PCDHGA6: variants seen among roughly 807,000 people sequenced by gnomAD.
PCDHGA6 encodes protocadherin gamma subfamily A, 6, also known as protocadherin gamma-A6.
Under a neutral mutation model 60.6 loss-of-function variants are expected in PCDHGA6, and 41 were observed. The ratio of observed to expected loss-of-function variants is 0.68; its 90% CI spans 0.53 to 0.88. The LOEUF (loss-of-function observed/expected upper bound fraction) is 0.88, where lower values mean the gene tolerates loss of function less well. Among genes scored for constraint, PCDHGA6 ranks in the 40% least tolerant of loss-of-function variants. PCDHGA6 has a pLI of 0.00. For synonymous variants in PCDHGA6, 594 were observed against 524.4 expected (o/e 1.13, Z -1.81); for missense variants, 1,312 against 1,203.0 (o/e 1.09, Z -1.34).
At chr5:141,398,764 A>G in intron 1 of PCDHGA6, 2 of 1,613,924 alleles carry the variant, frequency 1.2e-6, no homozygotes, top group East Asian at 4.5e-5. Context: ...TTTAGTCCTG[A>G]CTGCCTTGGA....
rs747132868 is a variant in PCDHGA6 at position 141,431,424 on chromosome 5, G to C, written c.2424+54917G>C. ...GCCTCCGACGGGGGCGACCCGGTGC[G>C]CACAGGCACCGCGCGCATCCGCGTG... On this transcript the variant is annotated intron_variant, in intron 1 of 3. Coordinates refer to ENST00000517434, the MANE Select transcript of PCDHGA6 (RefSeq NM_018919.3). This position sits in a 1 kb window ranked among gnomAD's most constrained non-coding sequence, Gnocchi z 4.8. The C allele has an allele frequency of 6.2e-7, 1 of 1,613,558 alleles. No individual in the cohort carries two copies. The highest frequency in any genetic ancestry group is 1.1e-5 in the South Asian group (1 of 91,082).
In PCDHGA6 at chr5:141,486,499, C is replaced by G. The variant is rs1487201957; in HGVS notation, c.2425-8308C>G. 2 of 1,614,010 alleles carry G rather than the reference C, an allele frequency of 1.2e-6. No homozygotes were observed. Among genetic ancestry groups the G allele is most frequent in the Non-Finnish European group, 1.7e-6 (2 of 1,179,874 alleles). On this transcript the variant is annotated intron_variant, in intron 1 of 3. Coordinates refer to ENST00000517434, the MANE Select transcript of PCDHGA6 (RefSeq NM_018919.3). This position sits in a 1 kb window ranked among gnomAD's most constrained non-coding sequence, Gnocchi z 5.0. ...CTCTCAGTACCCACAGAACTATTTT[C>G]CTCAATATTTCAGATGTGAATGATA...
At position 141,413,564 on chromosome 5, in the gene PCDHGA6, T is replaced by C. The variant is rs762044373; in HGVS notation, c.2424+37057T>C. 9 of 1,613,760 alleles carry C rather than the reference T, an allele frequency of 5.6e-6. No homozygotes were observed. The Admixed American group carries it at 1.2e-4, about 21-fold the overall frequency. ...GGGATAGAAATAGAAGTAACTGATA[T>C]CAATGACAATGCTCCAAAATTCCAA... On this transcript the variant is annotated intron_variant, in intron 1 of 3. Coordinates refer to ENST00000517434, the MANE Select transcript of PCDHGA6 (RefSeq NM_018919.3).
Position 141,431,826 on chromosome 5 carries a change from TTCCCGAAAACTC to T in PCDHGA6, c.2424+55324_2424+55335del, listed in dbSNP as rs755346532. ...GTCCTCACCTCTCTCGCCAGCTCGGTTCCCGAAAACTCTCCCAGAGGGACATTAATTGCCCTT... is the reference window on the plus strand; with the variant it reads ...GTCCTCACCTCTCTCGCCAGCTCGGTTCCCAGAGGGACATTAATTGCCCTT... On this transcript the variant is annotated intron_variant, in intron 1 of 3. Transcript: ENST00000517434. The surrounding 1 kb of genome is among the most constrained non-coding windows in gnomAD (Gnocchi z 4.8). The T allele has an allele frequency of 4.3e-6, 7 of 1,614,102 alleles. No individual in the cohort carries two copies. Among genetic ancestry groups the T allele is most frequent in the Admixed American group, 1.7e-5 (1 of 60,006 alleles).
At chr5:141,378,173 C>A (rs1774684442) in intron 1 of PCDHGA6, 1 of 152,194 alleles carries the variant, frequency 6.6e-6, no homozygotes. Flanking sequence ...AATAACTAAG[C>A]ACCGATGCTG....
chr5:141,394,316 G>C (rs779061595), intron 1 of PCDHGA6: 1 of 1,613,976 alleles, frequency 6.2e-7, no homozygotes, highest in African/African-American at 1.3e-5. Context: ...GGGCGCCCCT[G>C]TCCTCGTATA....
intron 1 of PCDHGA6, chr5:141,423,481 C>G: frequency 6.2e-7 from 1 of 1,613,908 alleles, no homozygotes; most frequent in South Asian, 1.1e-5. Context: ...GGCTTTCCTG[C>G]AAACCTATTC....
intron 1 of PCDHGA6, chr5:141,403,040 C>T: frequency 1.2e-6 from 2 of 1,614,068 alleles, no homozygotes; most frequent in Non-Finnish European, 1.7e-6. Context: ...CAGGGCCAGT[C>T]AGATTCGCTA....
intron 1 of PCDHGA6, chr5:141,428,390 C>T (rs1043799152): frequency 8.0e-5 from 40 of 502,004 alleles, no homozygotes; most frequent in African/African-American, 6.6e-4. Context: ...TCTTCCAGCC[C>T]CTCTGCCTGG....
intron 1 of PCDHGA6, chr5:141,382,996 T>C (rs1296495835): frequency 6.2e-7 from 1 of 1,613,724 alleles, no homozygotes; most frequent in East Asian, 2.2e-5. Context: ...ACGTATTCTC[T>C]ACTCCGTGTC....
intron 1 of PCDHGA6, among the ~76,000 whole-genome samples, chr5:141,407,336 G>A (rs1005803062): frequency 6.6e-6 from 1 of 152,240 alleles, no homozygotes; most frequent in Admixed American, 6.5e-5. Flanking sequence ...ATATTGAAAT[G>A]TATGTTAATT....
chr5:141,394,701 C>G lies in PCDHGA6; in HGVS notation c.2424+18194C>G, dbSNP rs375281416. 1.9e-6 allele frequency: 3 copies of G among 1,613,162 alleles called. No homozygotes were observed. Among genetic ancestry groups the G allele is most frequent in the Non-Finnish European group, 2.5e-6 (3 of 1,179,880 alleles). ...GCACACGGGCGAGGTGCGCACGGCG[C>G]GAGCCCTGCTGGACAGAGATGCGCT... is the stretch of plus-strand genomic sequence containing the variant. On this transcript the variant is annotated intron_variant, in intron 1 of 3. Transcript: ENST00000517434.
chr5:141,480,224 T>G (rs2099514647), intron 1 of PCDHGA6, among the ~76,000 whole-genome samples: 1 of 146,584 alleles, frequency 6.8e-6, no homozygotes, highest in Non-Finnish European at 1.5e-5. Context: ...AGCGACATAG[T>G]GAGATCCTGT....
In PCDHGA6 at chr5:141,375,208, C is replaced by G; in HGVS notation, c.1125C>G (p.Asp375Glu). ...VIALFQVFDR[D>E]SGLNGLVTCS... ...CCCTTTTTCAAGTGTTCGATCGAGA[C>G]TCTGGCCTGAATGGCCTGGTAACCT... is the stretch of plus-strand genomic sequence containing the variant. Residue 375 changes from aspartate (D) to glutamate (E), a missense_variant, in exon 1 of 4, where the codon GAC (aspartate) becomes GAG (glutamate). Coordinates refer to ENST00000517434, the MANE Select transcript of PCDHGA6 (RefSeq NM_018919.3). The G allele has an allele frequency of 1.2e-6, 2 of 1,613,958 alleles. No homozygotes were observed. The highest frequency in any genetic ancestry group is 8.5e-7 in the Non-Finnish European group (1 of 1,179,858).
chr5:141,433,038 C>A, intron 1 of PCDHGA6: 3 of 1,614,180 alleles, frequency 1.9e-6, no homozygotes, highest in Non-Finnish European at 2.5e-6. Flanking sequence ...GTTTCCCTCA[C>A]CACGGACTCG....
intron 1 of PCDHGA6, chr5:141,423,628 AT>A (rs2096762361): frequency 6.2e-7 from 1 of 1,604,844 alleles, no homozygotes; most frequent in Admixed American, 1.7e-5. Flanking sequence ...CTCAGCTATC[AT>A]TTTAGGCAAA....
At chr5:141,413,687 T>A (rs1470256826) in intron 1 of PCDHGA6, 5 of 1,613,666 alleles carry the variant, frequency 3.1e-6, no homozygotes, top group Non-Finnish European at 3.4e-6. Flanking sequence ...GTGAACTCCC[T>A]GCAGAGCTAT....
chr5:141,377,469 A>C (rs6896353), intron 1 of PCDHGA6: 1 of 151,896 alleles, frequency 6.6e-6, no homozygotes, highest in Non-Finnish European at 1.5e-5. Context: ...TGTGGCGTAC[A>C]CCTGTAGTCC....
Position 141,485,164 on chromosome 5 carries a change from G to A in PCDHGA6, c.2425-9643G>A, listed in dbSNP as rs2099608516. 2 of 1,605,832 alleles carry A rather than the reference G, an allele frequency of 1.2e-6. No homozygotes were observed. Among genetic ancestry groups the A allele is most frequent in the Admixed American group, 1.7e-5 (1 of 59,836 alleles). On this transcript the variant is annotated intron_variant, in intron 1 of 3. Coordinates refer to ENST00000517434, the MANE Select transcript of PCDHGA6 (RefSeq NM_018919.3). This position sits in a 1 kb window ranked among gnomAD's most constrained non-coding sequence, Gnocchi z 5.7. ...CTCAGGAGCAAGTAGAGAATTAGCG[G>A]GCGGCAGCAATGCTCCGCAAGGTGA...
Sources: allele counts gnomAD v4.1 joint callset (sites outside exome capture counted in the v4.1 genomes callset), GRCh38; gene constraint gnomAD v4.1.1; non-coding constraint Gnocchi (gnomAD v3.1); transcripts MANE v1.5; gene names NCBI Gene and HGNC (gene_info 2026-07-23, HGNC 2026-07-21).